PCNX2: variants seen among roughly 807,000 people sequenced by gnomAD.
PCNX2 encodes the protein pecanex 2.
PCNX2 carries 168 observed loss-of-function variants against 223.8 expected under a neutral mutation model. The ratio of observed to expected loss-of-function variants is 0.75; its 90% CI spans 0.66 to 0.85. The LOEUF (loss-of-function observed/expected upper bound fraction) is 0.85. Ranked by LOEUF, PCNX2 falls within the 40% of genes least tolerant of loss-of-function variation. The pLI is 0.00. For missense variants in PCNX2, 2,507 were observed against 2,675.5 expected (o/e 0.94, Z 1.39); for synonymous variants, 1,006 against 1,052.6 (o/e 0.96, Z 0.86).
chr1:233,201,834 C>A (rs1216962503), intron 13 of PCNX2: 1 of 163,378 alleles, frequency 6.1e-6, no homozygotes, highest in Admixed American at 6.3e-5. Flanking sequence ...CAACAAAACC[C>A]AAAGAAATGG....
intron 12 of PCNX2, chr1:233,210,664 T>C: frequency 2.0e-6 from 2 of 984,716 alleles, no homozygotes; most frequent in Non-Finnish European, 2.4e-6. Flanking sequence ...TATGAATCAA[T>C]CATCAAATCT....
chr1:233,080,666 T>C (rs1673317367), intron 23 of PCNX2, among the ~76,000 whole-genome samples: 2 of 152,080 alleles, frequency 1.3e-5, no homozygotes, highest in South Asian at 4.1e-4. Flanking sequence ...GTCCCTTTTA[T>C]GAGGGCACTA....
At chr1:233,275,267 A>T (rs1660849568) in intron 1 of PCNX2, among the ~76,000 whole-genome samples, 2 of 151,546 alleles carry the variant, frequency 1.3e-5, no homozygotes, top group African/African-American at 2.4e-5. Context: ...GCGTGGTGAG[A>T]TCTCGGCTCA....
chr1:232,996,306 G>A (rs1444003689), intron 32 of PCNX2, among the ~76,000 whole-genome samples: 1 of 152,068 alleles, frequency 6.6e-6, no homozygotes, highest in Admixed American at 6.5e-5. Context: ...CAAGTCACCT[G>A]GAAGTACTGG....
At chr1:233,289,012 C>T (rs1379535173) in intron 1 of PCNX2, 31 of 1,411,856 alleles carry the variant, frequency 2.2e-5, no homozygotes, top group South Asian at 6.9e-5. Context: ...TCTAGTTTCA[C>T]GCGGATTCTC....
At chr1:233,019,589 AACAGTCATGCCTTT>A (rs1206667770) in intron 26 of PCNX2, among the ~76,000 whole-genome samples, 4 of 152,130 alleles carry the variant, frequency 2.6e-5, no homozygotes, top group African/African-American at 9.7e-5. Flanking sequence ...TATGTGGAAA[AACAGTCATGCCTTT>A]GACATCTGTG....
Position 233,295,312 on chromosome 1 carries a change from CCCT to C in PCNX2, c.153+11_153+13del. On this transcript the variant is annotated intron_variant, in intron 1 of 33. Transcript: ENST00000258229. The surrounding 1 kb of genome is among the most constrained non-coding windows in gnomAD (Gnocchi z 4.1). ...ATACCCACAGCTCCCCGGGACCGGA[CCCT>C]CCCCACTCACCAGGTGCAGGGCCAG... 1.9e-6 allele frequency: 3 copies of C among 1,573,488 alleles called. No homozygotes were observed. Among genetic ancestry groups the C allele is most frequent in the Non-Finnish European group, 2.6e-6 (3 of 1,159,290 alleles).
the PCNX2 span, among the ~76,000 whole-genome samples, chr1:233,320,350 CGT>C: frequency 4.5e-3 from 669 of 149,562 alleles, no homozygotes; most frequent in African/African-American, 5.7e-3. Context: ...TACATACATT[CGT>C]GTGTGTGTGT....
intron 3 of PCNX2, among the ~76,000 whole-genome samples, 176 bp from the exon 4 acceptor site, chr1:233,261,497 A>G (rs561480225): frequency 1.3e-4 from 20 of 152,334 alleles, no homozygotes; most frequent in Admixed American, 5.2e-4. Flanking sequence ...GGATACAAAC[A>G]TATGTAAATG....
At chr1:233,211,983 C>CAG in intron 12 of PCNX2, 1 of 166,264 alleles carries the variant, frequency 6.0e-6, no homozygotes, top group Non-Finnish European at 1.2e-5. Flanking sequence ...ATTATGGTCA[C>CAG]GTACACTGAA....
chr1:233,187,438 T>A (rs1484502475), intron 15 of PCNX2, among the ~76,000 whole-genome samples: 1 of 152,174 alleles, frequency 6.6e-6, no homozygotes, highest in Non-Finnish European at 1.5e-5. Context: ...ATTCTGGGCC[T>A]AGAATGCTGT....
intron 10 of PCNX2, among the ~76,000 whole-genome samples, chr1:233,219,589 G>A (rs1657245877): frequency 6.6e-6 from 1 of 151,846 alleles, no homozygotes; most frequent in Admixed American, 6.6e-5. Flanking sequence ...AGAATATTTG[G>A]CTACTTTGTG....
intron 14 of PCNX2, among the ~76,000 whole-genome samples, chr1:233,199,405 A>G (rs911878545): frequency 6.6e-6 from 1 of 151,982 alleles, no homozygotes; most frequent in Non-Finnish European, 1.5e-5. Context: ...AGGCAGGAGG[A>G]GAGAGGAGAC....
At chr1:233,160,174 G>A (rs1478065871) in intron 19 of PCNX2, 109 bp downstream of exon 19, 2 of 1,223,734 alleles carry the variant, frequency 1.6e-6, no homozygotes, top group East Asian at 4.8e-5. Flanking sequence ...ATTTTCAAGT[G>A]TACAGTTCTG....
intron 23 of PCNX2, chr1:233,058,023 C>T (rs189966508): frequency 1.0e-6 from 1 of 985,246 alleles, no homozygotes; most frequent in Non-Finnish European, 1.2e-6. Flanking sequence ...CTCTTATAGA[C>T]CTTTCTTAGG....
chr1:233,289,220 T>A, intron 1 of PCNX2: 1 of 882,090 alleles, frequency 1.1e-6, no homozygotes, highest in Non-Finnish European at 2.0e-6. Flanking sequence ...CTAGCCGGAC[T>A]TGGATTTTCT....
intron 27 of PCNX2, among the ~76,000 whole-genome samples, chr1:233,016,018 G>C (rs1223101803): frequency 6.6e-6 from 1 of 152,176 alleles, no homozygotes; most frequent in Admixed American, 6.5e-5. Flanking sequence ...AGCCATCATG[G>C]AGCTACAGCC....
At chr1:233,026,451 G>C (rs1671083947) in intron 25 of PCNX2, among the ~76,000 whole-genome samples, 1 of 152,164 alleles carries the variant, frequency 6.6e-6, no homozygotes, top group South Asian at 2.1e-4. Flanking sequence ...AACGTGGTCT[G>C]ACTTATGTCT....
chr1:233,028,454 T>C (rs1393727283), intron 25 of PCNX2, among the ~76,000 whole-genome samples: 1 of 152,236 alleles, frequency 6.6e-6, no homozygotes, highest in Non-Finnish European at 1.5e-5. Context: ...CTTGATGAAT[T>C]AACTCTTTGA....
Sources: allele counts gnomAD v4.1 joint callset (sites outside exome capture counted in the v4.1 genomes callset), GRCh38; gene constraint gnomAD v4.1.1; non-coding constraint Gnocchi (gnomAD v3.1); transcripts MANE v1.5; gene names NCBI Gene and HGNC (gene_info 2026-07-23, HGNC 2026-07-21).